HMCN1: variants seen among roughly 807,000 people sequenced by gnomAD.
HMCN1 encodes the protein hemicentin-1.
Under a neutral mutation model 625.9 loss-of-function variants are expected in HMCN1, and 321 were observed. The ratio of observed to expected loss-of-function variants is 0.51; its 90% CI spans 0.47 to 0.56. The LOEUF (loss-of-function observed/expected upper bound fraction) is 0.56, where lower values mean the gene tolerates loss of function less well. HMCN1 is among the 20% of genes least tolerant of loss of function. HMCN1 has a pLI of 0.00. For missense variants in HMCN1, 6,588 were observed against 6,887.3 expected, an observed-to-expected ratio of 0.96 and a Z score of 1.54; for synonymous variants, 2,425 against 2,417.6, an observed-to-expected ratio of 1.00 and a Z score of -0.09.
At chr1:185,961,980 A>G (rs1267315258) in intron 11 of HMCN1, among the ~76,000 whole-genome samples, 1 of 152,240 alleles carries the variant, frequency 6.6e-6, no homozygotes, top group Non-Finnish European at 1.5e-5. Context: ...AGCCACTGCA[A>G]TGATATGCAA....
chr1:185,803,226 AAAC>A (rs1658933524), intron 1 of HMCN1, among the ~76,000 whole-genome samples: 4 of 149,244 alleles, frequency 2.7e-5, no homozygotes, highest in African/African-American at 1.0e-4. Flanking sequence ...AAAAAAAACA[AAAC>A]AAGGAGGAAA....
At chr1:185,804,551 A>AT (rs1659046264) in intron 1 of HMCN1, among the ~76,000 whole-genome samples, 1 of 152,044 alleles carries the variant, frequency 6.6e-6, no homozygotes, top group African/African-American at 2.4e-5. Context: ...GTCTTTATGA[A>AT]TTTTTTTAGT....
intron 34 of HMCN1, among the ~76,000 whole-genome samples, 181 bp downstream of exon 34, chr1:186,018,533 A>C (rs774317531): frequency 3.3e-5 from 5 of 152,046 alleles, no homozygotes; most frequent in Non-Finnish European, 7.4e-5. Context: ...CAGAGACTCA[A>C]CCAAGATGTA....
At chr1:186,150,795 C>T (rs1399805748) in intron 93 of HMCN1, among the ~76,000 whole-genome samples, 1 of 151,714 alleles carries the variant, frequency 6.6e-6, no homozygotes, top group Non-Finnish European at 1.5e-5. Context: ...TTAAAGCTAC[C>T]TTATAGAATT....
At position 186,065,284 on chromosome 1, in the gene HMCN1, C is replaced by T. The variant is rs368324132; in HGVS notation, c.7560C>T (p.Leu2520=). The T allele has an allele frequency of 8.1e-6, 13 of 1,612,508 alleles. No individual in the cohort carries two copies. In the South Asian group the frequency reaches 9.9e-5, roughly 12 times the overall value. ...CATGGCACAAAGATGGGCAGCCCCT[C>T]CAAGAAGATGAAGCCCATCACATTA... ...EITWHKDGQP[L]QEDEAHHIIS... is the part of the protein sequence containing the mutation. The change falls in exon 49 of 107, where the codon CTC becomes CTT. Residue 2520 remains leucine, a synonymous_variant. Transcript: ENST00000271588.
intron 4 of HMCN1, among the ~76,000 whole-genome samples, chr1:185,904,458 T>G (rs1481176384): frequency 2.0e-5 from 3 of 151,900 alleles, no homozygotes; most frequent in African/African-American, 7.2e-5. Context: ...GCCAAAATAG[T>G]GATAAAAATA....
chr1:186,022,953 A>G, intron 35 of HMCN1, 77 bp from the exon 36 acceptor site: 1 of 1,398,676 alleles, frequency 7.1e-7, no homozygotes, highest in Non-Finnish European at 1.0e-6. Context: ...ATTTAAATGA[A>G]TTTTTCTGTC....
chr1:186,067,736 G>T, intron 49 of HMCN1, 98 bp from the exon 50 acceptor site: 1 of 789,664 alleles, frequency 1.3e-6, no homozygotes, highest in East Asian at 2.7e-5. Flanking sequence ...TAACTGCTAG[G>T]GAATGAAATT....
At chr1:185,927,225 G>A (rs1667323337) in intron 9 of HMCN1, among the ~76,000 whole-genome samples, 1 of 152,178 alleles carries the variant, frequency 6.6e-6, no homozygotes. Context: ...AAAGATGTAT[G>A]TATTCCAAAC....
intron 1 of HMCN1, among the ~76,000 whole-genome samples, chr1:185,809,239 T>C (rs891009103): frequency 2.0e-5 from 3 of 152,254 alleles, no homozygotes; most frequent in Admixed American, 6.5e-5. Context: ...AAACAGATTT[T>C]GGCAGTTTTC....
chr1:186,145,073 C>CT (rs1273046750), intron 91 of HMCN1, among the ~76,000 whole-genome samples: 1 of 152,238 alleles, frequency 6.6e-6, no homozygotes, highest in Non-Finnish European at 1.5e-5. Flanking sequence ...ATCTGGAAAT[C>CT]TGAGTTACAT....
chr1:185,952,307 C>A (rs1023137365), intron 11 of HMCN1, among the ~76,000 whole-genome samples: 2 of 151,630 alleles, frequency 1.3e-5, no homozygotes, highest in Admixed American at 6.6e-5. Flanking sequence ...GGTGGAGGAG[C>A]AGAGGCTGAG....
At chr1:185,778,124 CA>C (rs1656753550) in intron 1 of HMCN1, among the ~76,000 whole-genome samples, 1 of 152,126 alleles carries the variant, frequency 6.6e-6, no homozygotes, top group African/African-American at 2.4e-5. Context: ...TCACTGTTTT[CA>C]AAGATAATTA....
intron 1 of HMCN1, among the ~76,000 whole-genome samples, chr1:185,751,276 T>C (rs998147416): frequency 6.6e-6 from 1 of 152,176 alleles, no homozygotes; most frequent in Non-Finnish European, 1.5e-5. Flanking sequence ...TCTTGATTAG[T>C]AGTTTAGTTA....
intron 1 of HMCN1, among the ~76,000 whole-genome samples, chr1:185,746,227 C>T (rs181570540): frequency 9.9e-5 from 15 of 152,206 alleles, no homozygotes; most frequent in East Asian, 3.9e-4. Context: ...GCATAGGCCC[C>T]GGAGTCTGAT....
chr1:186,094,873 G>T (rs1024878080), intron 67 of HMCN1, among the ~76,000 whole-genome samples: 1 of 152,084 alleles, frequency 6.6e-6, no homozygotes. Flanking sequence ...ATCTACAAAT[G>T]ACTTACCCTA....
intron 77 of HMCN1, 101 bp downstream of exon 77, chr1:186,117,724 G>A: frequency 1.7e-6 from 2 of 1,145,060 alleles, no homozygotes; most frequent in Non-Finnish European, 2.6e-6. Flanking sequence ...AATAAAATAT[G>A]CATGCATTCT....
chr1:186,170,779 G>A (rs1652177996), intron 100 of HMCN1, among the ~76,000 whole-genome samples: 2 of 152,188 alleles, frequency 1.3e-5, no homozygotes, highest in South Asian at 4.1e-4. Flanking sequence ...GTCCCCAAGA[G>A]TTTGAGGAGT....
At chr1:186,162,110 T>G (rs1429135490) in intron 97 of HMCN1, among the ~76,000 whole-genome samples, 1 of 152,288 alleles carries the variant, frequency 6.6e-6, no homozygotes, top group African/African-American at 2.4e-5. Flanking sequence ...TGAGGCTTTG[T>G]TCGTTTCTTT....
Sources: gnomAD v4.1 joint callset for allele counts (sites outside exome capture counted in the v4.1 genomes callset) on GRCh38, gnomAD v4.1.1 for gene constraint, MANE v1.5 for transcripts, NCBI Gene and HGNC (gene_info 2026-07-23, HGNC 2026-07-21) for gene names.